MYH6: variants seen among roughly 807,000 people sequenced by gnomAD.
MYH6 encodes myosin heavy chain 6.
A neutral mutation model predicts 223.2 loss-of-function variants in MYH6; 126 were observed. The observed-to-expected ratio is 0.56, with a 90% confidence interval of 0.49 to 0.65. The LOEUF is 0.65. Among genes scored for constraint, MYH6 ranks in the 30% least tolerant of loss-of-function variants. The probability of loss-of-function intolerance (pLI) is 0.00; values close to 1 mark genes in which losing one functional copy is unlikely to be tolerated. For missense variants in MYH6, 2,040 were observed against 2,536.4 expected, an observed-to-expected ratio of 0.80 and a Z score of 4.20; for synonymous variants, 978 against 1,010.2, an observed-to-expected ratio of 0.97 and a Z score of 0.61.
intron 27 of MYH6, 38 bp from the exon 28 acceptor site, chr14:23,389,549 A>G (rs1891163176): frequency 1.2e-6 from 2 of 1,614,026 alleles, no homozygotes; most frequent in African/African-American, 2.7e-5. Context: ...CCATTTCACA[A>G]GTCATGTCCT....
intron 28 of MYH6, 27 bp from the exon 29 acceptor site, chr14:23,389,082 G>A (rs1194157285): frequency 6.4e-7 from 1 of 1,562,242 alleles, no homozygotes; most frequent in Non-Finnish European, 8.7e-7. Context: ...GCACCAGGAG[G>A]TGGGAGGGAC....
chr14:23,390,560 A>G (rs1891209981), intron 25 of MYH6, 114 bp from the exon 26 acceptor site: 2 of 1,533,036 alleles, frequency 1.3e-6, no homozygotes, highest in Non-Finnish European at 1.7e-6. Context: ...GTTCTCAACT[A>G]GGGGCAATTT....
rs1361320896 is a variant in MYH6, at chr14:23,405,140, A to G, written c.503-13T>C. On this transcript the variant is annotated splice_polypyrimidine_tract_variant and intron_variant, in intron 5 of 38. Coordinates refer to ENST00000405093, the MANE Select transcript of MYH6 (RefSeq NM_002471.4). This position sits in a 1 kb window ranked among gnomAD's most constrained non-coding sequence, Gnocchi z 4.7. Reference sequence around the variant, plus strand: ...TGGTTCTCCCGATCTGGAAGAAAAAAGAGGAGAAGCAATGGGGTCAGGGCT... The same window carrying G: ...TGGTTCTCCCGATCTGGAAGAAAAAGGAGGAGAAGCAATGGGGTCAGGGCT... 6.2e-7 allele frequency: 1 copy of G among 1,613,872 alleles called. No homozygotes were observed. Among genetic ancestry groups the G allele is most frequent in the Non-Finnish European group, 8.5e-7 (1 of 1,180,044 alleles).
intron 25 of MYH6, 131 bp downstream of exon 25, chr14:23,392,431 G>T (rs1372951916): frequency 2.5e-6 from 2 of 794,836 alleles, no homozygotes; most frequent in Non-Finnish European, 4.6e-6. Flanking sequence ...GCGCCTGTAA[G>T]TCAGGGATGG....
intron 36 of MYH6, 85 bp downstream of exon 36, chr14:23,384,357 G>A (rs1566504356): frequency 1.3e-6 from 2 of 1,587,666 alleles, no homozygotes; most frequent in South Asian, 1.1e-5. Flanking sequence ...TCAAGGAGGA[G>A]GTGAGAGGAG....
chr14:23,392,824 C>T, intron 24 of MYH6, 88 bp downstream of exon 24: 1 of 1,578,028 alleles, frequency 6.3e-7, no homozygotes, highest in Non-Finnish European at 8.7e-7. Context: ...CCCAAGGCAA[C>T]TGTGGCCAGT....
rs200662317 is a variant in MYH6 at position 23,383,234 on chromosome 14, G to A, written c.5652C>T (p.Ala1884=). The A allele has an allele frequency of 5.7e-4, 923 of 1,612,754 alleles. 8 individuals are homozygous for A. The highest frequency in any genetic ancestry group is 2.0e-3 in the Middle Eastern group (11 of 5,456). The part of the protein sequence containing the change: ...QLKVKAYKRQ[A]EEAEEQANTN... Reference sequence around the variant, plus strand: ...AAAGCTCTGAACTCACCGCCTCCTCGGCCTGGCGCTTGTAGGCCTTGACCT... The same window carrying A: ...AAAGCTCTGAACTCACCGCCTCCTCAGCCTGGCGCTTGTAGGCCTTGACCT... Residue 1884 remains alanine, a synonymous_variant, in exon 37 of 39, where the codon GCC becomes GCT. Transcript: ENST00000405093.
In MYH6 at chr14:23,388,108, T is replaced by A. The variant is rs751041699; in HGVS notation, c.4359+47A>T. ...CTTTGGCCTCTCACTGAACCCCTCATGCCCCCTTGCCCTGCATGCTGGCTG... is the reference window on the plus strand; with the variant it reads ...CTTTGGCCTCTCACTGAACCCCTCAAGCCCCCTTGCCCTGCATGCTGGCTG... On this transcript the variant is annotated intron_variant, in intron 30 of 38. Coordinates refer to ENST00000405093, the MANE Select transcript of MYH6 (RefSeq NM_002471.4). 1.3e-5 allele frequency: 21 copies of A among 1,611,914 alleles called. 1 individual carries two copies. In the South Asian group the frequency reaches 2.1e-4, roughly 16 times the overall value.
At chr14:23,400,099 C>G in intron 14 of MYH6, 157 bp downstream of exon 14, 1 of 1,126,600 alleles carries the variant, frequency 8.9e-7, no homozygotes, top group Non-Finnish European at 1.3e-6. Context: ...GGGGGATCAT[C>G]CTGTTCATGC....
At position 23,384,606 on chromosome 14, in the gene MYH6, C is replaced by T. The variant is rs765389629; in HGVS notation, c.5401G>A (p.Glu1801Lys). The T allele has an allele frequency of 6.2e-7, 1 of 1,613,870 alleles. No individual in the cohort carries two copies. Among genetic ancestry groups the T allele is most frequent in the Non-Finnish European group, 8.5e-7 (1 of 1,180,040 alleles). ...CCCTTGAGGGCGATCTGCTCGGCCT[C>T]GTCCAGCCGGTGCTGCAGGTCCTTA... ...TIKDLQHRLD[E>K]AEQIALKGGK... is the part of the protein sequence containing the mutation. The change falls in exon 36 of 39, where the codon GAG (glutamate) becomes AAG (lysine). Residue 1801 changes from glutamate to lysine, a missense_variant. Glu to Lys is a moderately conservative substitution (Grantham distance 56). Transcript: ENST00000405093.
intron 25 of MYH6, among the ~76,000 whole-genome samples, chr14:23,390,744 C>T (rs2138593924): frequency 6.6e-6 from 1 of 152,302 alleles, no homozygotes; most frequent in Non-Finnish European, 1.5e-5. Flanking sequence ...TGAGCATCTG[C>T]AGCCCCAAAT....
intron 12 of MYH6, among the ~76,000 whole-genome samples, chr14:23,401,590 C>T (rs1891602661): frequency 6.6e-6 from 1 of 152,220 alleles, no homozygotes; most frequent in South Asian, 2.1e-4. Flanking sequence ...GGGCATATCC[C>T]CACCTTCACC....
chr14:23,392,558 T>C lies in MYH6; in HGVS notation c.3342+4A>G, dbSNP rs1161354540. 1 of 1,608,378 alleles carries C rather than the reference T, an allele frequency of 6.2e-7. No individual in the cohort carries two copies. Among genetic ancestry groups the C allele is most frequent in the Non-Finnish European group, 8.5e-7 (1 of 1,175,044 alleles). On this transcript the variant is annotated splice_donor_region_variant and intron_variant, in intron 25 of 38. Coordinates refer to ENST00000405093, the MANE Select transcript of MYH6 (RefSeq NM_002471.4). The stretch of plus-strand genomic sequence containing the variant: ...CACTTTCATGCACTGGGAAAAAAAG[T>C]CACCTGGTTTTCCTTCAGTTTCTTC...
Position 23,397,183 on chromosome 14 carries a change from C to T in MYH6, c.2037G>A (p.Glu679=), listed in dbSNP as rs1399873333. Residue 679 remains glutamate, a synonymous_variant, in exon 17 of 39, where the codon GAG becomes GAA. Coordinates refer to ENST00000405093, the MANE Select transcript of MYH6 (RefSeq NM_002471.4). ...CTCCTGGCTCACCTGGAGCCTTCCG[C>T]TCATTGGGGATGATGCAACGCACAA... The part of the protein sequence containing the change: ...PHFVRCIIPN[E]RKAPGVMDNP... 1.1e-5 allele frequency: 17 copies of T among 1,614,232 alleles called. No homozygotes were observed. The highest frequency in any genetic ancestry group is 3.3e-5 in the Admixed American group (2 of 60,034).
rs1190360960 is a variant in MYH6 at position 23,407,344 on chromosome 14, C to G, written c.-13-108G>C. The G allele has an allele frequency of 9.8e-6, 13 of 1,323,962 alleles. No homozygotes were observed. Among genetic ancestry groups the G allele is most frequent in the South Asian group, 1.2e-5 (1 of 81,680 alleles). The allele number at this position is 1,323,962 out of a possible 1,614,324, so 82.0% of individuals were successfully genotyped here. A position where few individuals can be genotyped will look rare whatever the true frequency, so the allele number is the denominator to read the frequency against. On this transcript the variant is annotated intron_variant, in intron 2 of 38. Coordinates refer to ENST00000405093, the MANE Select transcript of MYH6 (RefSeq NM_002471.4). The surrounding 1 kb of genome is among the most constrained non-coding windows in gnomAD (Gnocchi z 5.6). ...CCTACCCCCGCTCCTCTCCTCCACC[C>G]TGGGAGAGGCACCTGCTGTTGCACC...
rs886039180 is a variant in MYH6 at position 23,390,257 on chromosome 14, G to A, written c.3532C>T (p.Arg1178Trp). The stretch of plus-strand genomic sequence containing the variant: ...TGCAGCGTGGCCTCCTCCAGGTCCC[G>A]CCGCATCTTCTGGAACTCGGCCTCG... ...KREAEFQKMR[R>W]DLEEATLQHE... The change falls in exon 26 of 39, where the codon CGG (arginine) becomes TGG (tryptophan). Residue 1178 changes from arginine to tryptophan, a missense_variant. By Grantham distance (101) the Arg-to-Trp change is moderately radical. Around this residue, in one of 4 missense-constraint regions of MYH6, gnomAD observed 1,203 missense variants for 1,400.2 expected, o/e 0.86. Coordinates refer to ENST00000405093, the MANE Select transcript of MYH6 (RefSeq NM_002471.4). The A allele has an allele frequency of 6.3e-6, 10 of 1,586,554 alleles. No homozygotes were observed. Among genetic ancestry groups the A allele is most frequent in the Middle Eastern group, 4.6e-4 (2 of 4,392 alleles).
intron 20 of MYH6, among the ~76,000 whole-genome samples, chr14:23,395,453 A>G (rs1381962556): frequency 6.6e-6 from 1 of 152,124 alleles, no homozygotes; most frequent in Non-Finnish European, 1.5e-5. Flanking sequence ...ATTATTTTTC[A>G]TGTCATGGTG....
At position 23,387,871 on chromosome 14, in the gene MYH6, G is replaced by A; in HGVS notation, c.4412C>T (p.Ser1471Phe). ...KYEESQSELE[S>F]SQKEARSLST... ...GAGGGAGCGAGCCTCCTTCTGTGAG[G>A]ACTCCAGCTCAGACTGCGACTCCTC... Residue 1471 changes from serine (S) to phenylalanine (F), a missense_variant, in exon 31 of 39, where the codon TCC becomes TTC. Ser to Phe is a radical substitution (Grantham distance 155). Around this residue, in one of 4 missense-constraint regions of MYH6, gnomAD observed 1,203 missense variants for 1,400.2 expected, o/e 0.86. Coordinates refer to ENST00000405093, the MANE Select transcript of MYH6 (RefSeq NM_002471.4). 1 of 1,614,064 alleles carries A rather than the reference G, an allele frequency of 6.2e-7. No individual in the cohort carries two copies. The highest frequency in any genetic ancestry group is 8.5e-7 in the Non-Finnish European group (1 of 1,180,016).
At position 23,393,856 on chromosome 14, in the gene MYH6, T is replaced by C. The variant is rs138213182; in HGVS notation, c.2738A>G (p.Asn913Ser). 8.1e-6 allele frequency: 13 copies of C among 1,614,238 alleles called. No individual in the cohort carries two copies. In the African/African-American group the frequency reaches 1.5e-4, roughly 18 times the overall value. The change falls in exon 22 of 39, where the codon AAC becomes AGC. Residue 913 changes from asparagine (N) to serine (S), a missense_variant. Coordinates refer to ENST00000405093, the MANE Select transcript of MYH6 (RefSeq NM_002471.4). Reference protein sequence around the residue: ...AEERCDQLIKNKIQLEAKVKE... With the variant: ...AEERCDQLIKSKIQLEAKVKE... ...TACTTTGGCCTCCAGCTGAATCTTG[T>C]TTTTGATCAGCTGGTCGCAGCGCTC...
Sources: gnomAD v4.1 joint callset for allele counts (sites outside exome capture counted in the v4.1 genomes callset) on GRCh38, gnomAD v4.1.1 for gene constraint, gnomAD v4.1.1 regional missense constraint, Gnocchi (gnomAD v3.1) non-coding constraint, MANE v1.5 for transcripts, NCBI Gene and HGNC (gene_info 2026-07-23, HGNC 2026-07-21) for gene names.